SUCLG2: variants seen among roughly 807,000 people sequenced by gnomAD.
The protein encoded by SUCLG2 is succinate-CoA ligase GDP-forming subunit beta.
Under a neutral mutation model 47.9 loss-of-function variants are expected in SUCLG2, and 42 were observed. The ratio of observed to expected loss-of-function variants is 0.88; its 90% CI spans 0.69 to 1.14. SUCLG2 has a LOEUF of 1.14. Among genes scored for constraint, SUCLG2 ranks in the 50% most tolerant of loss-of-function variants. SUCLG2 has a pLI of 0.00. For missense variants in SUCLG2, 571 were observed against 525.9 expected, an observed-to-expected ratio of 1.09 and a Z score of -0.84; for synonymous variants, 195 against 197.3, an observed-to-expected ratio of 0.99 and a Z score of 0.10.
At chr3:67,646,743 C>T (rs1009589905) in intron 1 of SUCLG2, among the ~76,000 whole-genome samples, 2 of 152,108 alleles carry the variant, frequency 1.3e-5, no homozygotes, top group African/African-American at 2.4e-5. Flanking sequence ...TAAACCCGGG[C>T]AGTCTGATTC....
chr3:67,375,945 G>C, intron 10 of SUCLG2, 86 bp from the exon 11 acceptor site: 1 of 1,504,114 alleles, frequency 6.6e-7, no homozygotes, highest in Non-Finnish European at 8.9e-7. Context: ...AGACTCACCT[G>C]TCTACAGCTT....
chr3:67,562,316 C>CA (rs1201809445), intron 2 of SUCLG2, among the ~76,000 whole-genome samples: 1 of 151,682 alleles, frequency 6.6e-6, no homozygotes, highest in Non-Finnish European at 1.5e-5. Context: ...CTTGCTCTGT[C>CA]ACCAAGGCTG....
chr3:67,375,407 G>C lies in SUCLG2; in HGVS notation c.*337C>G. On this transcript the variant is annotated 3_prime_UTR_variant, in exon 11 of 11. Coordinates refer to ENST00000307227, the MANE Select transcript of SUCLG2 (RefSeq NM_003848.4). ...GGATTAGATGCCCACCAAAATTCTT[G>C]TAAATGAAGCAGGACTTGATTTCAA... 5.0e-6 allele frequency: 5 copies of C among 1,001,292 alleles called. No individual in the cohort carries two copies. The highest frequency in any genetic ancestry group is 5.9e-6 in the Non-Finnish European group (5 of 840,670). The allele number at this position is 1,001,292 out of a possible 1,614,324, so 62.0% of individuals were successfully genotyped here. A position where few individuals can be genotyped will look rare whatever the true frequency, so the allele number is the denominator to read the frequency against.
chr3:67,597,262 G>A (rs894598972), intron 2 of SUCLG2, among the ~76,000 whole-genome samples: 1 of 152,114 alleles, frequency 6.6e-6, no homozygotes, highest in Admixed American at 6.5e-5. Flanking sequence ...TTGCCCACAG[G>A]GCTGCTGCTT....
rs1704175122 is a variant in SUCLG2, at chr3:67,455,970, C to G, written c.1062+39828G>C. Among the ~76,000 whole-genome samples, 3 of 152,202 alleles carry G rather than the reference C, an allele frequency of 2.0e-5. No homozygotes were observed. In the South Asian group the frequency reaches 6.2e-4, roughly 32 times the overall value. ...ACTGTTATTATATTTAATTCTACCA[C>G]TGGAAGTAGTAAGACCTCAATCAGG... On this transcript the variant is annotated intron_variant, in intron 9 of 10. Transcript: ENST00000307227.
Position 67,442,240 on chromosome 3 carries a change from G to A in SUCLG2, c.1063-41389C>T, listed in dbSNP as rs1410636777. 9.2e-5 allele frequency among the ~76,000 whole-genome samples: 14 copies of A among 152,020 alleles called. No homozygotes were observed. The East Asian group carries it at 2.7e-3, about 29-fold the overall frequency. On this transcript the variant is annotated intron_variant, in intron 9 of 10. Coordinates refer to ENST00000307227, the MANE Select transcript of SUCLG2 (RefSeq NM_003848.4). ...TTAGCCGGGATGGTCTCGATCTCCTGACCTCGTGATCCGCCCGCCTCGGCC... is the reference window on the plus strand; with the variant it reads ...TTAGCCGGGATGGTCTCGATCTCCTAACCTCGTGATCCGCCCGCCTCGGCC...
At chr3:67,614,455 A>G (rs1700588010) in intron 1 of SUCLG2, among the ~76,000 whole-genome samples, 1 of 150,384 alleles carries the variant, frequency 6.6e-6, no homozygotes, top group African/African-American at 2.4e-5. Flanking sequence ...GGCCAACACC[A>G]TTTCCTTCCT....
chr3:67,528,351 T>C, intron 3 of SUCLG2, 129 bp from the exon 4 acceptor site: 2 of 799,174 alleles, frequency 2.5e-6, no homozygotes, highest in Non-Finnish European at 4.1e-6. Context: ...CCATGAGTCT[T>C]TCTGCTTATG....
At chr3:67,439,176 A>C (rs1211151450) in intron 9 of SUCLG2, among the ~76,000 whole-genome samples, 2 of 152,268 alleles carry the variant, frequency 1.3e-5, no homozygotes, top group African/African-American at 4.8e-5. Context: ...GACCTTTGAT[A>C]AAATTCAACA....
At chr3:67,652,522 A>G (rs1285759380) in intron 1 of SUCLG2, among the ~76,000 whole-genome samples, 1 of 152,212 alleles carries the variant, frequency 6.6e-6, no homozygotes, top group African/African-American at 2.4e-5. Flanking sequence ...CATAGGAAGC[A>G]CCCAAGAATT....
At chr3:67,431,697 T>C (rs367882083) in intron 9 of SUCLG2, among the ~76,000 whole-genome samples, 8 of 146,822 alleles carry the variant, frequency 5.4e-5, no homozygotes, top group East Asian at 4.1e-4. Context: ...ATCAGAACAC[T>C]TGGACACACG....
At chr3:67,626,003 G>A (rs1265701998) in intron 1 of SUCLG2, among the ~76,000 whole-genome samples, 1 of 148,730 alleles carries the variant, frequency 6.7e-6, no homozygotes, top group Non-Finnish European at 1.5e-5. Context: ...AGTAGGAGTA[G>A]CTACATATAT....
chr3:67,422,728 A>G (rs1482075113), intron 9 of SUCLG2, among the ~76,000 whole-genome samples: 2 of 152,088 alleles, frequency 1.3e-5, no homozygotes, highest in Non-Finnish European at 2.9e-5. Context: ...CTACTTCACC[A>G]TTTACTAAGA....
chr3:67,530,287 T>C (rs1181411166), intron 2 of SUCLG2, among the ~76,000 whole-genome samples: 7 of 152,202 alleles, frequency 4.6e-5, no homozygotes, highest in Admixed American at 2.0e-4. Context: ...AGGGTTGTTT[T>C]AAAAATTAAA....
chr3:67,533,247 G>T (rs17046548), intron 2 of SUCLG2, among the ~76,000 whole-genome samples: 4,614 of 152,236 alleles, frequency 0.03, 158 homozygotes, highest in East Asian at 0.17. Flanking sequence ...TTGTGTTACT[G>T]AGCTGGTTTT....
intron 2 of SUCLG2, among the ~76,000 whole-genome samples, chr3:67,561,433 A>G (rs1707304954): frequency 6.6e-6 from 1 of 152,164 alleles, no homozygotes; most frequent in Non-Finnish European, 1.5e-5. Context: ...CAAGTCTTAA[A>G]GTTCCCAACA....
At chr3:67,521,762 G>A (rs573129006) in intron 4 of SUCLG2, among the ~76,000 whole-genome samples, 1 of 152,016 alleles carries the variant, frequency 6.6e-6, no homozygotes, top group African/African-American at 2.4e-5. Flanking sequence ...TGGGCTTACA[G>A]GTGCCTGCCA....
At chr3:67,394,714 T>A (rs985257694) in intron 10 of SUCLG2, among the ~76,000 whole-genome samples, 5 of 150,642 alleles carry the variant, frequency 3.3e-5, no homozygotes, top group African/African-American at 1.2e-4. Context: ...CCAAGACACA[T>A]AATTGTCAGA....
At chr3:67,364,306 G>A (rs1270465461) in intron 10 of SUCLG2, among the ~76,000 whole-genome samples, 1 of 152,094 alleles carries the variant, frequency 6.6e-6, no homozygotes, top group African/African-American at 2.4e-5. Flanking sequence ...TCCTACATGG[G>A]GTCAGTGGAG....
Sources: gnomAD v4.1 joint callset for allele counts (sites outside exome capture counted in the v4.1 genomes callset) on GRCh38, gnomAD v4.1.1 for gene constraint, MANE v1.5 for transcripts, NCBI Gene and HGNC (gene_info 2026-07-23, HGNC 2026-07-21) for gene names.